TMEM18: variants seen among roughly 807,000 people sequenced by gnomAD.
TMEM18 encodes transmembrane protein 18.
In TMEM18, 14 loss-of-function variants were observed where a neutral mutation model predicts 17.4. That is an observed-to-expected ratio of 0.80 (90% CI 0.53 to 1.25). The LOEUF is 1.25. Ranked by LOEUF, TMEM18 falls within the 50% of genes most tolerant of loss-of-function variation. The pLI, the probability that TMEM18 is intolerant of heterozygous loss-of-function variation, is 0.00. For missense variants in TMEM18, 187 were observed against 172.1 expected (o/e 1.09, Z -0.48); for synonymous variants, 86 against 66.1 (o/e 1.30, Z -1.46).
rs781219653 is a variant in TMEM18, at chr2:675,478, C to T, written c.178+32G>A. 4.3e-6 allele frequency: 7 copies of T among 1,613,986 alleles called. No homozygotes were observed. The East Asian group carries it at 6.7e-5, about 15-fold the overall frequency. ...ACACAGTTTCATTTCACACAGTGATCTGAGTTGTGGAGTTTGTGTTGTTTT... is the reference window on the plus strand; with the variant it reads ...ACACAGTTTCATTTCACACAGTGATTTGAGTTGTGGAGTTTGTGTTGTTTT... On this transcript the variant is annotated intron_variant, in intron 2 of 4. Coordinates refer to ENST00000281017, the MANE Select transcript of TMEM18 (RefSeq NM_152834.4).
Position 672,798 on chromosome 2 carries a change from G to T in TMEM18, c.233+10C>A. 6.8e-7 allele frequency: 1 copy of T among 1,465,518 alleles called. No individual in the cohort carries two copies. The highest frequency in any genetic ancestry group is 1.5e-5 in the African/African-American group (1 of 67,444). The allele number at this position is 1,465,518 out of a possible 1,614,324, so 90.8% of individuals were successfully genotyped here. ...CAGGGACCTGGTCACAGGCCCGGGG[G>T]TGGGCTCACCTCCAGTTCATCGCAG... is the stretch of plus-strand genomic sequence containing the variant. On this transcript the variant is annotated intron_variant, in intron 3 of 4. Transcript: ENST00000281017.
In TMEM18 at chr2:664,395, T is replaced by C. The variant is rs1275087537; in HGVS notation, c.*5185A>G. Among the ~76,000 whole-genome samples the C allele has an allele frequency of 1.3e-5, 2 of 152,234 alleles. No homozygotes were observed. Among genetic ancestry groups the C allele is most frequent in the Admixed American group, 1.3e-4 (2 of 15,284 alleles). On this transcript the variant is annotated 3_prime_UTR_variant, in exon 5 of 5. Transcript: ENST00000281017. ...ACTACAGACTAGTAACACATATTTC[T>C]GCCCTATATGTGTTACCAATTTTAA... is the stretch of plus-strand genomic sequence containing the variant.
chr2:677,292 G>C lies in TMEM18; in HGVS notation c.54C>G (p.Leu18=), dbSNP rs768911035. 1.9e-6 allele frequency: 3 copies of C among 1,611,648 alleles called. No homozygotes were observed. Among genetic ancestry groups the C allele is most frequent in the Non-Finnish European group, 2.5e-6 (3 of 1,179,668 alleles). ...SSFPVSIPAV[L]TQTDWTEPWL... ...GGTTACGCGGGCCGCGAGTTACCGT[G>C]AGCACGGCTGGGATGCTGACGGGGA... Residue 18 remains leucine (L), a synonymous_variant, in exon 1 of 5, where the codon CTC becomes CTG. Coordinates refer to ENST00000281017, the MANE Select transcript of TMEM18 (RefSeq NM_152834.4).
At chr2:671,902 G>A (rs1049800924) in intron 3 of TMEM18, among the ~76,000 whole-genome samples, 2 of 152,182 alleles carry the variant, frequency 1.3e-5, no homozygotes, top group South Asian at 2.1e-4. Flanking sequence ...AGCCGCTTAT[G>A]GCTAAAGAGA....
rs73908198 is a variant in TMEM18, at chr2:669,975, T to C, written c.234-125A>G. ...ACTGAGGTGGGAGCAACACCCTCAC[T>C]GGGCCCACCCTTGGGAGCAGCGGTA... On this transcript the variant is annotated intron_variant, in intron 3 of 4. Coordinates refer to ENST00000281017, the MANE Select transcript of TMEM18 (RefSeq NM_152834.4). 7.2e-6 allele frequency: 5 copies of C among 696,350 alleles called. No homozygotes were observed. In the African/African-American group the frequency reaches 9.0e-5, roughly 13 times the overall value. 43.1% of individuals were successfully genotyped at this position (696,350 alleles called of 1,614,324 possible). A position where few individuals can be genotyped will look rare whatever the true frequency, so the allele number is the denominator to read the frequency against.
intron 1 of TMEM18, chr2:676,692 G>A (rs1203480616): frequency 1.1e-5 from 17 of 1,517,342 alleles, no homozygotes; most frequent in Non-Finnish European, 1.5e-5. Flanking sequence ...TCTGTCAGAC[G>A]AACCCGGCAC....
At position 677,401 on chromosome 2, in the gene TMEM18, A is replaced by C; in HGVS notation, c.-56T>G. 6.3e-7 allele frequency: 1 copy of C among 1,590,650 alleles called. No homozygotes were observed. Among genetic ancestry groups the C allele is most frequent in the South Asian group, 1.1e-5 (1 of 87,888 alleles). On this transcript the variant is annotated 5_prime_UTR_variant, in exon 1 of 5. Coordinates refer to ENST00000281017, the MANE Select transcript of TMEM18 (RefSeq NM_152834.4). ...GCCGAACCCGGCCTGGCCAGAATCCACAGAGGAGGGCGCCAAATCCTCTCT... is the reference window on the plus strand; with the variant it reads ...GCCGAACCCGGCCTGGCCAGAATCCCCAGAGGAGGGCGCCAAATCCTCTCT...
At position 677,358 on chromosome 2, in the gene TMEM18, C is replaced by G; in HGVS notation, c.-13G>C. The G allele has an allele frequency of 6.2e-7, 1 of 1,610,624 alleles. No individual in the cohort carries two copies. Among genetic ancestry groups the G allele is most frequent in the Non-Finnish European group, 8.5e-7 (1 of 1,179,256 alleles). On this transcript the variant is annotated 5_prime_UTR_variant, in exon 1 of 5. Coordinates refer to ENST00000281017, the MANE Select transcript of TMEM18 (RefSeq NM_152834.4). ...AGGCGGACGGCATGGTGTTGGGAAG[C>G]CCGCTCTCACAGCAACCGCCGAACC...
Position 669,787 on chromosome 2 carries a change from G to A in TMEM18, c.297C>T (p.Ala99=). 6.2e-7 allele frequency: 1 copy of A among 1,613,960 alleles called. No individual in the cohort carries two copies. Among genetic ancestry groups the A allele is most frequent in the Non-Finnish European group, 8.5e-7 (1 of 1,179,994 alleles). The change falls in exon 4 of 5, where the codon GCC becomes GCT. Residue 99 remains alanine (A), a synonymous_variant. Transcript: ENST00000281017. ...RGMFISIVFS[A]PLLVNAMIIV... ...TGATCATGGCATTCACCAGCAGTGG[G>A]GCTGAAAATACTATAGAAATGAACA...
rs1678753069 is a variant in TMEM18, at chr2:668,589, G to A, written c.*991C>T. 1 of 152,188 alleles carries A rather than the reference G, an allele frequency of 6.6e-6. No individual in the cohort carries two copies. The highest frequency in any genetic ancestry group is 2.4e-5 in the African/African-American group (1 of 41,438). 9.4% of individuals were successfully genotyped at this position (152,188 alleles called of 1,614,324 possible). A position where few individuals can be genotyped will look rare whatever the true frequency, so the allele number is the denominator to read the frequency against. ...ATTAGGCATGCTATCCAGATACAAT[G>A]CACAATCAGTATTCCCTTATTGAAC... On this transcript the variant is annotated 3_prime_UTR_variant, in exon 5 of 5. Coordinates refer to ENST00000281017, the MANE Select transcript of TMEM18 (RefSeq NM_152834.4).
At chr2:673,007 A>G in intron 2 of TMEM18, 145 bp from the exon 3 acceptor site, 3 of 784,944 alleles carry the variant, frequency 3.8e-6, no homozygotes, top group Non-Finnish European at 5.7e-6. Flanking sequence ...AACATTGTCA[A>G]GTCGTAGGAC....
At chr2:670,585 A>C (rs1678815404) in intron 3 of TMEM18, 1 of 152,662 alleles carries the variant, frequency 6.6e-6, no homozygotes, top group Non-Finnish European at 1.5e-5. Flanking sequence ...GCAGTGGGTC[A>C]ACACCTCATG....
At chr2:672,646 C>T (rs150033791) in intron 3 of TMEM18, among the ~76,000 whole-genome samples, 162 bp downstream of exon 3, 42 of 152,356 alleles carry the variant, frequency 2.8e-4, no homozygotes, top group Middle Eastern at 6.8e-3. Context: ...AAAGCATTTA[C>T]GGAGTCACCC....
rs777938274 is a variant in TMEM18 at position 675,671 on chromosome 2, C to G, written c.58-41G>C. On this transcript the variant is annotated intron_variant, in intron 1 of 4. Transcript: ENST00000281017. ...AGCAGACACTCACTGTCCTGCCACT[C>G]AAGGCCGGGTTCACGGCCCACCCAC... is the stretch of plus-strand genomic sequence containing the variant. The G allele has an allele frequency of 3.7e-6, 6 of 1,609,142 alleles. No homozygotes were observed. The Admixed American group carries it at 8.4e-5, about 22-fold the overall frequency.
At chr2:676,360 G>C in intron 1 of TMEM18, 2 of 1,426,932 alleles carry the variant, frequency 1.4e-6, no homozygotes, top group East Asian at 2.5e-5. Context: ...TCCCCTCCTT[G>C]AGCGCCCTCC....
chr2:672,957 T>C, intron 2 of TMEM18, 95 bp from the exon 3 acceptor site: 5 of 1,178,520 alleles, frequency 4.2e-6, no homozygotes, highest in Non-Finnish European at 5.8e-6. Context: ...TGAATAGAAA[T>C]GTCACTTTAA....
At chr2:674,041 T>C (rs905936838) in intron 2 of TMEM18, among the ~76,000 whole-genome samples, 1 of 152,138 alleles carries the variant, frequency 6.6e-6, no homozygotes, top group Non-Finnish European at 1.5e-5. Flanking sequence ...ATAAGCTGTA[T>C]AGCTGAGGGA....
Position 664,922 on chromosome 2 carries a change from A to C in TMEM18, c.*4658T>G, listed in dbSNP as rs1228754079. On this transcript the variant is annotated 3_prime_UTR_variant, in exon 5 of 5. Coordinates refer to ENST00000281017, the MANE Select transcript of TMEM18 (RefSeq NM_152834.4). ...TGTGTTTACTATGCAGGCATTGAAA[A>C]TAATGTTATATAGTGAAATAGCATC... is the stretch of plus-strand genomic sequence containing the variant. 2.7e-5 allele frequency among the ~76,000 whole-genome samples: 4 copies of C among 150,436 alleles called. No individual in the cohort carries two copies. The highest frequency in any genetic ancestry group is 9.7e-5 in the African/African-American group (4 of 41,304).
chr2:666,740 C>A lies in TMEM18; in HGVS notation c.*2840G>T, dbSNP rs983969432. On this transcript the variant is annotated 3_prime_UTR_variant, in exon 5 of 5. Coordinates refer to ENST00000281017, the MANE Select transcript of TMEM18 (RefSeq NM_152834.4). ...GAACTCTGCATGTGGAGCCCAGCCC[C>A]GTCCTCCCCAGGACCGACTTGCTGG... 6.6e-5 allele frequency among the ~76,000 whole-genome samples: 10 copies of A among 152,120 alleles called. No individual in the cohort carries two copies. Among genetic ancestry groups the A allele is most frequent in the Non-Finnish European group, 1.3e-4 (9 of 68,024 alleles).
Sources: allele counts gnomAD v4.1 joint callset (sites outside exome capture counted in the v4.1 genomes callset), GRCh38; gene constraint gnomAD v4.1.1; transcripts MANE v1.5; gene names NCBI Gene and HGNC (gene_info 2026-07-23, HGNC 2026-07-21).